The following CSMD1 variants were observed in gnomAD, a reference collection of about 807,000 sequenced individuals.
CSMD1 encodes the protein CUB and sushi domain-containing protein 1.
A neutral mutation model predicts 417.5 loss-of-function variants in CSMD1; 213 were observed. That is an observed-to-expected ratio of 0.51 (90% CI 0.46 to 0.57). CSMD1 has a LOEUF of 0.57. CSMD1 is among the 20% of genes least tolerant of loss of function. The pLI is 0.00. For missense variants in CSMD1, 6,923 were observed against 4,529.7 expected (o/e 1.53, Z -15.17); for synonymous variants, 2,862 against 1,736.8 (o/e 1.65, Z -16.11).
intron 52 of CSMD1, among the ~76,000 whole-genome samples, chr8:3,003,867 G>A (rs1807644189): frequency 6.6e-6 from 1 of 152,164 alleles, no homozygotes; most frequent in Non-Finnish European, 1.5e-5. Context: ...AATTAGAAAT[G>A]TTATATATTT....
At chr8:4,561,878 G>A (rs572670075) in intron 2 of CSMD1, among the ~76,000 whole-genome samples, 34 of 152,206 alleles carry the variant, frequency 2.2e-4, no homozygotes, top group African/African-American at 7.5e-4. Flanking sequence ...GCCACACAGC[G>A]CATATGTCAT....
intron 3 of CSMD1, among the ~76,000 whole-genome samples, chr8:4,093,504 G>T (rs975696340): frequency 6.6e-6 from 1 of 152,172 alleles, no homozygotes; most frequent in Non-Finnish European, 1.5e-5. Flanking sequence ...GTTAGCTCAT[G>T]ATTCAAAGGA....
chr8:3,995,603 C>A (rs1815148854), intron 5 of CSMD1, among the ~76,000 whole-genome samples: 2 of 152,172 alleles, frequency 1.3e-5, no homozygotes, highest in African/African-American at 4.8e-5. Context: ...TGAGCTCTGC[C>A]AAGGGCTCCA....
At chr8:4,394,805 C>A (rs1329365312) in intron 3 of CSMD1, among the ~76,000 whole-genome samples, 4 of 152,168 alleles carry the variant, frequency 2.6e-5, no homozygotes, top group African/African-American at 9.7e-5. Context: ...TAGTTTTCAG[C>A]TGACTTTAAA....
chr8:4,099,830 C>G lies in CSMD1; in HGVS notation c.416-67731G>C, dbSNP rs1255955799. On this transcript the variant is annotated intron_variant, in intron 3 of 69. Coordinates refer to ENST00000635120, the MANE Select transcript of CSMD1 (RefSeq NM_033225.6). The stretch of plus-strand genomic sequence containing the variant: ...TTTAAATCCCTGATTGTATCCACAT[C>G]TTGCTCCCTTAGAACATCCTTCTTT... Among the ~76,000 whole-genome samples the G allele has an allele frequency of 4.6e-5, 7 of 152,140 alleles. No homozygotes were observed. In the East Asian group the frequency reaches 1.2e-3, roughly 25 times the overall value.
chr8:3,528,945 T>C (rs1052779284), intron 10 of CSMD1, among the ~76,000 whole-genome samples: 1 of 152,238 alleles, frequency 6.6e-6, no homozygotes. Flanking sequence ...CTTAGATAAT[T>C]ACATGCCAGT....
chr8:4,885,569 G>A (rs1201499739), intron 1 of CSMD1, among the ~76,000 whole-genome samples: 1 of 151,806 alleles, frequency 6.6e-6, no homozygotes, highest in African/African-American at 2.4e-5. Context: ...TGCTTTTTCT[G>A]CATTACTGAG....
intron 51 of CSMD1, among the ~76,000 whole-genome samples, chr8:3,023,366 A>T (rs1047434491): frequency 2.6e-5 from 4 of 152,218 alleles, no homozygotes; most frequent in African/African-American, 7.2e-5. Flanking sequence ...TTCTGTGATA[A>T]ATGTTTTTCT....
At chr8:3,381,333 A>G (rs949976389) in intron 18 of CSMD1, among the ~76,000 whole-genome samples, 23 of 152,304 alleles carry the variant, frequency 1.5e-4, no homozygotes, top group African/African-American at 5.5e-4. Context: ...TCTATAGTCC[A>G]AATTAACAAA....
At chr8:4,153,349 G>T (rs1234543047) in intron 3 of CSMD1, among the ~76,000 whole-genome samples, 2 of 152,180 alleles carry the variant, frequency 1.3e-5, no homozygotes, top group East Asian at 3.9e-4. Flanking sequence ...ACTTGACTGT[G>T]TCTCTTTCTA....
intron 22 of CSMD1, 106 bp from the exon 23 acceptor site, chr8:3,343,556 C>G: frequency 1.1e-6 from 1 of 912,634 alleles, no homozygotes; most frequent in Non-Finnish European, 1.6e-6. Context: ...TTAAACAATA[C>G]TTAAAAAGGC....
At position 3,616,745 on chromosome 8, in the gene CSMD1, A is replaced by T; in HGVS notation, c.1062T>A (p.Ile354=). 6.2e-7 allele frequency: 1 copy of T among 1,612,640 alleles called. No individual in the cohort carries two copies. The highest frequency in any genetic ancestry group is 1.1e-5 in the South Asian group (1 of 91,020). The change falls in exon 8 of 70, where the codon ATT becomes ATA. Residue 354 remains isoleucine, a synonymous_variant. Transcript: ENST00000635120. ...AACCTGCTCTTCTACCATTTTCTGG[A>T]ATCCCAGGATCTGGACACATGTCAG... is the stretch of plus-strand genomic sequence containing the variant. ...LVSDMCPDPG[I]PENGRRAGSD...
At chr8:3,415,825 T>C (rs549422569) in intron 12 of CSMD1, among the ~76,000 whole-genome samples, 210 of 152,294 alleles carry the variant, frequency 1.4e-3, no homozygotes, top group African/African-American at 4.4e-3. Context: ...AGACAAAACT[T>C]CTTTATTGGT....
At chr8:3,366,608 A>G (rs1366086603) in intron 20 of CSMD1, among the ~76,000 whole-genome samples, 5 of 152,174 alleles carry the variant, frequency 3.3e-5, no homozygotes, top group Non-Finnish European at 7.3e-5. Context: ...TTCATCCTAG[A>G]GGTGGTTGTC....
intron 54 of CSMD1, among the ~76,000 whole-genome samples, chr8:2,992,650 C>T (rs940023900): frequency 6.6e-6 from 1 of 152,058 alleles, no homozygotes; most frequent in African/African-American, 2.4e-5. Flanking sequence ...TGGTCTCGAA[C>T]TCCTGACCTC....
At chr8:3,912,073 T>C (rs1023144408) in intron 5 of CSMD1, among the ~76,000 whole-genome samples, 3 of 152,198 alleles carry the variant, frequency 2.0e-5, no homozygotes, top group African/African-American at 7.2e-5. Flanking sequence ...TGACTGAGTC[T>C]TTTCAAACCC....
intron 1 of CSMD1, among the ~76,000 whole-genome samples, chr8:4,906,069 T>A (rs933070552): frequency 3.9e-5 from 6 of 152,120 alleles, no homozygotes. Flanking sequence ...TTTCAGACCC[T>A]CTCACCTCTG....
chr8:4,501,803 A>G (rs1802272358), intron 2 of CSMD1, among the ~76,000 whole-genome samples: 1 of 152,122 alleles, frequency 6.6e-6, no homozygotes, highest in South Asian at 2.1e-4. Context: ...ATAACATGCA[A>G]GCGTAGTGGG....
intron 50 of CSMD1, among the ~76,000 whole-genome samples, chr8:3,049,527 A>G (rs1285877052): frequency 6.6e-6 from 1 of 152,132 alleles, no homozygotes; most frequent in Non-Finnish European, 1.5e-5. Flanking sequence ...ATTCTAGTAA[A>G]GGTAAAACTA....
Sources: allele counts gnomAD v4.1 joint callset (sites outside exome capture counted in the v4.1 genomes callset), GRCh38; gene constraint gnomAD v4.1.1; transcripts MANE v1.5; gene names NCBI Gene and HGNC (gene_info 2026-07-23, HGNC 2026-07-21).